Variants in SLC24A3 observed in about 807,000 individuals in gnomAD.
SLC24A3 encodes the protein solute carrier family 24 member 3, also known as sodium/potassium/calcium exchanger 3.
Under a neutral mutation model 75.8 loss-of-function variants are expected in SLC24A3, and 28 were observed. The observed-to-expected ratio is 0.37, with a 90% CI of 0.27 to 0.51. The LOEUF (loss-of-function observed/expected upper bound fraction) is 0.51, where lower values mean the gene tolerates loss of function less well. Ranked by LOEUF, SLC24A3 falls within the 20% of genes least tolerant of loss-of-function variation. The probability of loss-of-function intolerance (pLI) is 0.94; values close to 1 mark genes in which losing one functional copy is unlikely to be tolerated. For missense variants in SLC24A3, 663 were observed against 847.8 expected (o/e 0.78, Z 2.71); for synonymous variants, 372 against 334.1 (o/e 1.11, Z -1.24).
chr20:19,698,139 G>A (rs1291536159), intron 14 of SLC24A3, among the ~76,000 whole-genome samples: 1 of 152,036 alleles, frequency 6.6e-6, no homozygotes, highest in Non-Finnish European at 1.5e-5. Context: ...TAAATAACCA[G>A]ATCTCACGAG....
chr20:19,526,492 G>C (rs530364070), intron 3 of SLC24A3, among the ~76,000 whole-genome samples: 1 of 152,266 alleles, frequency 6.6e-6, no homozygotes, highest in African/African-American at 2.4e-5. Flanking sequence ...GTTGGATCAG[G>C]CTATGGTCAC....
rs145700937 is a variant in SLC24A3, at chr20:19,399,534, A to G, written c.272-115954A>G. Among the ~76,000 whole-genome samples, 30 of 152,292 alleles carry G rather than the reference A, an allele frequency of 2.0e-4. No homozygotes were observed. The East Asian group carries it at 5.4e-3, about 27-fold the overall frequency. On this transcript the variant is annotated intron_variant, in intron 2 of 16. Coordinates refer to ENST00000328041, the MANE Select transcript of SLC24A3 (RefSeq NM_020689.4). ...TTTAGAAATATATTATTTGTTTCCA[A>G]ATATTTTGGAGATTTTTCAATTATC...
In SLC24A3 at chr20:19,319,883, G is replaced by A. The variant is rs117638191; in HGVS notation, c.271+38796G>A. 5.4e-3 allele frequency among the ~76,000 whole-genome samples: 821 copies of A among 152,304 alleles called. 2 individuals carry two copies. The highest frequency in any genetic ancestry group is 8.7e-3 in the Non-Finnish European group (590 of 68,022). On this transcript the variant is annotated intron_variant, in intron 2 of 16. Coordinates refer to ENST00000328041, the MANE Select transcript of SLC24A3 (RefSeq NM_020689.4). ...CCATTTGACCATGGGGTCATGGGAC[G>A]CATACCTAAGGAATCAGTGCACTGG...
chr20:19,664,255 G>A (rs1177010390), intron 7 of SLC24A3, among the ~76,000 whole-genome samples: 1 of 152,166 alleles, frequency 6.6e-6, no homozygotes, highest in Admixed American at 6.5e-5. Context: ...AGTTGGGGGG[G>A]TTATACAAAA....
At chr20:19,589,457 A>T (rs977336352) in intron 6 of SLC24A3, among the ~76,000 whole-genome samples, 1 of 152,106 alleles carries the variant, frequency 6.6e-6, no homozygotes, top group Non-Finnish European at 1.5e-5. Context: ...CCCAGGGAAA[A>T]CCCCCAGGCA....
At chr20:19,368,791 A>G (rs1223736377) in intron 2 of SLC24A3, among the ~76,000 whole-genome samples, 1 of 152,242 alleles carries the variant, frequency 6.6e-6, no homozygotes, top group Admixed American at 6.5e-5. Flanking sequence ...GTATCTCAGC[A>G]TCCGGGAGAA....
intron 2 of SLC24A3, among the ~76,000 whole-genome samples, chr20:19,462,122 C>T (rs370083207): frequency 1.3e-5 from 2 of 152,244 alleles, no homozygotes; most frequent in South Asian, 2.1e-4. Flanking sequence ...CACATTATCT[C>T]GTGTCTTAAA....
chr20:19,689,549 T>C (rs2032721710), intron 12 of SLC24A3, among the ~76,000 whole-genome samples: 1 of 152,164 alleles, frequency 6.6e-6, no homozygotes, highest in Non-Finnish European at 1.5e-5. Context: ...CCTGCAGCAG[T>C]GCCTGGCACA....
rs1036889655 is a variant in SLC24A3, at chr20:19,238,135, A to G, written c.142+25151A>G. ...CCGCCAAATTAAGAAACAGAGCAGG[A>G]TCTGCACCCTTGAAACCTGCACATG... On this transcript the variant is annotated intron_variant, in intron 1 of 16. Transcript: ENST00000328041. 4.6e-5 allele frequency among the ~76,000 whole-genome samples: 7 copies of G among 152,298 alleles called. No homozygotes were observed. The East Asian group carries it at 1.2e-3, about 25-fold the overall frequency.
intron 11 of SLC24A3, 26 bp from the exon 12 acceptor site, chr20:19,685,074 G>A: frequency 1.3e-6 from 2 of 1,580,950 alleles, no homozygotes; most frequent in Non-Finnish European, 1.7e-6. Flanking sequence ...TCTGACCGTG[G>A]TAAGAGTGCG....
intron 8 of SLC24A3, among the ~76,000 whole-genome samples, chr20:19,667,985 G>A (rs2032419775): frequency 6.6e-6 from 1 of 152,168 alleles, no homozygotes; most frequent in South Asian, 2.1e-4. Context: ...GGAGGGCCAT[G>A]GATACATGAG....
intron 8 of SLC24A3, among the ~76,000 whole-genome samples, chr20:19,673,292 G>C (rs959572142): frequency 1.3e-5 from 2 of 150,138 alleles, no homozygotes; most frequent in Non-Finnish European, 2.9e-5. Context: ...GCTGAGACCA[G>C]ATGTATACAT....
intron 2 of SLC24A3, among the ~76,000 whole-genome samples, chr20:19,496,480 G>C (rs953579404): frequency 1.3e-5 from 2 of 152,168 alleles, no homozygotes; most frequent in African/African-American, 4.8e-5. Context: ...GCACTCCTGT[G>C]GTTGGATTCC....
chr20:19,441,598 A>G (rs1987300186), intron 2 of SLC24A3, among the ~76,000 whole-genome samples: 2 of 152,304 alleles, frequency 1.3e-5, no homozygotes, highest in East Asian at 1.9e-4. Flanking sequence ...TCACTTACCC[A>G]TCTACCCCCG....
chr20:19,696,790 C>T lies in SLC24A3; in HGVS notation c.1492-7C>T, dbSNP rs1471268819. 2 of 1,609,706 alleles carry T rather than the reference C, an allele frequency of 1.2e-6. No homozygotes were observed. Among genetic ancestry groups the T allele is most frequent in the Admixed American group, 1.7e-5 (1 of 60,022 alleles). On this transcript the variant is annotated splice_polypyrimidine_tract_variant and splice_region_variant and intron_variant, in intron 13 of 16. Coordinates refer to ENST00000328041, the MANE Select transcript of SLC24A3 (RefSeq NM_020689.4). The stretch of plus-strand genomic sequence containing the variant: ...CTCAGCTGACCACCTCTTCCTGCTC[C>T]TTCTAGGTCACAATCATTGGTTACA...
intron 3 of SLC24A3, among the ~76,000 whole-genome samples, chr20:19,575,276 A>AG (rs1270541425): frequency 2.0e-5 from 3 of 148,838 alleles, no homozygotes; most frequent in African/African-American, 7.3e-5. Context: ...AAAAAAAAAA[A>AG]AGGCAACACC....
chr20:19,664,165 A>G (rs1335840861), intron 7 of SLC24A3, among the ~76,000 whole-genome samples: 3 of 152,344 alleles, frequency 2.0e-5, no homozygotes, highest in Admixed American at 6.5e-5. Flanking sequence ...ATTAACTTCA[A>G]TTAATAGAAA....
At chr20:19,457,386 C>T (rs1987596875) in intron 2 of SLC24A3, among the ~76,000 whole-genome samples, 1 of 152,170 alleles carries the variant, frequency 6.6e-6, no homozygotes, top group African/African-American at 2.4e-5. Context: ...TTGCATGATA[C>T]AAATTCAGAC....
At chr20:19,219,052 C>CA (rs1352000018) in intron 1 of SLC24A3, among the ~76,000 whole-genome samples, 2 of 151,876 alleles carry the variant, frequency 1.3e-5, no homozygotes, top group Non-Finnish European at 2.9e-5. Flanking sequence ...TTATTGTTTG[C>CA]AATGGTTTCA....
Sources: allele counts gnomAD v4.1 joint callset (sites outside exome capture counted in the v4.1 genomes callset), GRCh38; gene constraint gnomAD v4.1.1; transcripts MANE v1.5; gene names NCBI Gene and HGNC (gene_info 2026-07-23, HGNC 2026-07-21).